The following RBFOX1 variants were observed in gnomAD, a reference collection of about 807,000 sequenced individuals.
RBFOX1 encodes RNA binding protein fox-1 homolog 1.
RBFOX1 carries 8 observed loss-of-function variants against 57.7 expected under a neutral mutation model. That is an observed-to-expected ratio of 0.14 (90% CI 0.08 to 0.25). The LOEUF (loss-of-function observed/expected upper bound fraction) is 0.25, where lower values mean the gene tolerates loss of function less well. RBFOX1 is among the 10% of genes least tolerant of loss of function. RBFOX1 has a pLI of 1.00. For synonymous variants in RBFOX1, 326 were observed against 222.4 expected, an observed-to-expected ratio of 1.47 and a Z score of -4.15; for missense variants, 611 against 548.5, an observed-to-expected ratio of 1.11 and a Z score of -1.14.
intron 1 of RBFOX1, among the ~76,000 whole-genome samples, chr16:6,168,696 G>T (rs907900376): frequency 6.6e-6 from 1 of 152,184 alleles, no homozygotes; most frequent in African/African-American, 2.4e-5. Flanking sequence ...ACTCCTGGGG[G>T]AGGGAAGGGG....
chr16:6,509,471 G>T (rs1445127425), intron 2 of RBFOX1, among the ~76,000 whole-genome samples: 1 of 152,148 alleles, frequency 6.6e-6, no homozygotes, highest in East Asian at 1.9e-4. Flanking sequence ...TTATTTGTGG[G>T]AGCTAACACT....
chr16:6,824,509 T>G (rs1055743256), intron 3 of RBFOX1, among the ~76,000 whole-genome samples: 17 of 152,210 alleles, frequency 1.1e-4, no homozygotes, highest in Admixed American at 6.5e-4. Context: ...CTATATTTCA[T>G]TTTTTAAAAA....
chr16:6,098,293 C>A (rs906425949), intron 1 of RBFOX1, among the ~76,000 whole-genome samples: 12 of 152,158 alleles, frequency 7.9e-5, no homozygotes, highest in Admixed American at 1.3e-4. Flanking sequence ...CTGGCAAGTC[C>A]CTTGCATGGA....
chr16:7,547,280 G>A (rs547510634), intron 5 of RBFOX1, among the ~76,000 whole-genome samples: 4 of 152,298 alleles, frequency 2.6e-5, no homozygotes, highest in East Asian at 1.9e-4. Flanking sequence ...TGATGCATTA[G>A]CACCTTTCGA....
chr16:5,641,191 C>T (rs1157790428), intron 3 of RBFOX1, among the ~76,000 whole-genome samples: 6 of 151,352 alleles, frequency 4.0e-5, no homozygotes, highest in Non-Finnish European at 7.4e-5. Context: ...TACACACAGG[C>T]ACACACATGC....
At chr16:5,797,607 G>C (rs1417136210) in intron 3 of RBFOX1, among the ~76,000 whole-genome samples, 1 of 152,140 alleles carries the variant, frequency 6.6e-6, no homozygotes, top group Non-Finnish European at 1.5e-5. Flanking sequence ...CCTACATCCA[G>C]TTAAGTGTTA....
intron 4 of RBFOX1, among the ~76,000 whole-genome samples, chr16:7,293,301 A>G (rs954935016): frequency 2.0e-5 from 3 of 152,200 alleles, no homozygotes; most frequent in Non-Finnish European, 4.4e-5. Context: ...GATTTAAAGT[A>G]TACAGGAGGA....
intron 1 of RBFOX1, among the ~76,000 whole-genome samples, chr16:6,188,461 C>G (rs1372905874): frequency 6.8e-6 from 1 of 146,304 alleles, no homozygotes; most frequent in Non-Finnish European, 1.5e-5. Context: ...ATACAGTGTT[C>G]GTAAACCTGG....
intron 3 of RBFOX1, among the ~76,000 whole-genome samples, chr16:6,956,936 G>A (rs1209784020): frequency 6.6e-6 from 1 of 152,058 alleles, no homozygotes; most frequent in African/African-American, 2.4e-5. Context: ...CAGACCCCAA[G>A]TGAGAGTTTT....
At chr16:7,380,064 C>T (rs2097760797) in intron 4 of RBFOX1, among the ~76,000 whole-genome samples, 2 of 152,072 alleles carry the variant, frequency 1.3e-5, no homozygotes, top group Admixed American at 1.3e-4. Flanking sequence ...TGCTATGTTT[C>T]CTGGGCTGGT....
chr16:5,591,902 T>C (rs2047020497), intron 2 of RBFOX1, among the ~76,000 whole-genome samples: 1 of 152,246 alleles, frequency 6.6e-6, no homozygotes, highest in South Asian at 2.1e-4. Flanking sequence ...GAATCCCTAG[T>C]CCGAATATTA....
At chr16:5,807,559 C>A (rs908659074) in intron 3 of RBFOX1, among the ~76,000 whole-genome samples, 1 of 152,120 alleles carries the variant, frequency 6.6e-6, no homozygotes, top group African/African-American at 2.4e-5. Context: ...CTCATTATAG[C>A]CTCGTTATAA....
rs537293692 is a variant in RBFOX1, at chr16:7,166,972, C to CTTTTTTTTTTT, written c.27+114899_27+114909dup. 1.1e-3 allele frequency among the ~76,000 whole-genome samples: 54 copies of CTTTTTTTTTTT among 49,110 alleles called. 3 individuals are homozygous for CTTTTTTTTTTT. The highest frequency in any genetic ancestry group is 3.9e-3 in the East Asian group (6 of 1,552). The allele number at this position is 49,110 out of a possible 152,430, so 32.2% of individuals were successfully genotyped here. A position where few individuals can be genotyped will look rare whatever the true frequency, so the allele number is the denominator to read the frequency against. On this transcript the variant is annotated intron_variant, in intron 4 of 15. Transcript: ENST00000550418. ...AGCCCCAGATTGCTGCATTGGTGTT[C>CTTTTTTTTTTT]TTTTTTTTTTTTTTTTTTTTTTTTT...
chr16:7,205,388 C>G (rs1179553568), intron 4 of RBFOX1, among the ~76,000 whole-genome samples: 2 of 151,730 alleles, frequency 1.3e-5, no homozygotes, highest in East Asian at 1.9e-4. Context: ...TGTGGTGGTG[C>G]TCTCCTGTAA....
chr16:7,418,507 A>T (rs7190111), intron 4 of RBFOX1, among the ~76,000 whole-genome samples: 1 of 151,974 alleles, frequency 6.6e-6, no homozygotes, highest in African/African-American at 2.4e-5. Flanking sequence ...CTGACACAAC[A>T]TTTCTGTTTT....
intron 3 of RBFOX1, among the ~76,000 whole-genome samples, chr16:6,873,545 TA>T (rs999159792): frequency 6.6e-6 from 1 of 152,004 alleles, no homozygotes; most frequent in African/African-American, 2.4e-5. Context: ...ATTTTCAGCT[TA>T]AAAAAAAGAA....
At chr16:5,575,409 C>G (rs1277882307) in intron 2 of RBFOX1, among the ~76,000 whole-genome samples, 2 of 152,200 alleles carry the variant, frequency 1.3e-5, no homozygotes, top group Non-Finnish European at 2.9e-5. Flanking sequence ...GGTGATCATC[C>G]TAACAGCTCT....
chr16:6,200,187 C>G (rs944620272), intron 1 of RBFOX1, among the ~76,000 whole-genome samples: 4 of 152,164 alleles, frequency 2.6e-5, no homozygotes, highest in Non-Finnish European at 4.4e-5. Flanking sequence ...CTACCTAAGA[C>G]TTCTGGAAAG....
intron 3 of RBFOX1, among the ~76,000 whole-genome samples, chr16:5,652,004 C>T (rs577190458): frequency 6.6e-6 from 1 of 152,232 alleles, no homozygotes. Context: ...CTTGGTGACA[C>T]ATGCCTATAG....
Sources: allele counts gnomAD v4.1 joint callset (sites outside exome capture counted in the v4.1 genomes callset), GRCh38; gene constraint gnomAD v4.1.1; transcripts MANE v1.5; gene names NCBI Gene and HGNC (gene_info 2026-07-23, HGNC 2026-07-21).